The following HS3ST1 variants were observed in gnomAD, a reference collection of about 807,000 sequenced individuals.
HS3ST1 encodes heparan sulfate-glucosamine 3-sulfotransferase 1.
Under a neutral mutation model 20.7 loss-of-function variants are expected in HS3ST1, and 8 were observed. The ratio of observed to expected loss-of-function variants is 0.39; its 90% CI spans 0.23 to 0.70. The LOEUF is 0.70. Among genes scored for constraint, HS3ST1 ranks in the 30% least tolerant of loss-of-function variants. The pLI is 0.46. For missense variants in HS3ST1, 436 were observed against 423.4 expected (o/e 1.03, Z -0.26); for synonymous variants, 205 against 190.4 (o/e 1.08, Z -0.63).
intron 1 of HS3ST1, among the ~76,000 whole-genome samples, chr4:11,404,969 G>A (rs932004474): frequency 1.3e-5 from 2 of 152,304 alleles, no homozygotes; most frequent in African/African-American, 4.8e-5. Flanking sequence ...TAGAGGAGGT[G>A]AAAGGATTCA....
intron 1 of HS3ST1, among the ~76,000 whole-genome samples, chr4:11,420,827 A>G (rs1202093220): frequency 6.6e-6 from 1 of 152,082 alleles, no homozygotes; most frequent in African/African-American, 2.4e-5. Flanking sequence ...TTCATCTTGG[A>G]CCCTACTCCC....
In HS3ST1 at chr4:11,399,243, A is replaced by T. The variant is rs879604349; in HGVS notation, c.763T>A (p.Tyr255Asn). 6.2e-7 allele frequency: 1 copy of T among 1,614,152 alleles called. No individual in the cohort carries two copies. Among genetic ancestry groups the T allele is most frequent in the Non-Finnish European group, 8.5e-7 (1 of 1,180,024 alleles). The change falls in exon 2 of 2, where the codon TAC becomes AAC. Residue 255 changes from tyrosine (Y) to asparagine (N), a missense_variant. Physicochemically the swap from Tyr to Asn is moderately radical, Grantham distance 143. Coordinates refer to ENST00000002596, the MANE Select transcript of HS3ST1 (RefSeq NM_005114.4). This position sits in a 1 kb window ranked among gnomAD's most constrained non-coding sequence, Gnocchi z 5.1. ...NFYFNKTKGF[Y>N]CLRDSGRDRC... ...TCCCGGCCGCTGTCCCGCAGGCAGT[A>T]AAAGCCCTTGGTTTTGTTAAAGTAG...
upstream of HS3ST1, among the ~76,000 whole-genome samples, chr4:11,433,580 T>C (rs1719243874): frequency 6.6e-6 from 1 of 152,170 alleles, no homozygotes; most frequent in Non-Finnish European, 1.5e-5. Context: ...ATTTTAGATT[T>C]TGGGACCAAA....
rs1320327818 is a variant in HS3ST1, at chr4:11,394,140, C to T, written c.*4942G>A. 6.6e-6 allele frequency: 1 copy of T among 152,126 alleles called. No homozygotes were observed. Among genetic ancestry groups the T allele is most frequent in the African/African-American group, 2.4e-5 (1 of 41,426 alleles). The allele number at this position is 152,126 out of a possible 1,614,324, so 9.4% of individuals were successfully genotyped here. ...GGTTTATAGTTTTTACCTACTTTAT[C>T]TCATTGAGTTGGAGTTTTCCCCCAA... On this transcript the variant is annotated 3_prime_UTR_variant, in exon 2 of 2. Transcript: ENST00000002596.
chr4:11,421,555 T>C (rs1718935529), intron 1 of HS3ST1, among the ~76,000 whole-genome samples: 1 of 152,236 alleles, frequency 6.6e-6, no homozygotes, highest in Non-Finnish European at 1.5e-5. Context: ...TTTTAACTGC[T>C]GACACAGAAC....
intron 1 of HS3ST1, among the ~76,000 whole-genome samples, chr4:11,411,021 A>G (rs1377869588): frequency 6.6e-6 from 1 of 152,212 alleles, no homozygotes; most frequent in African/African-American, 2.4e-5. Context: ...CTGACTTGAG[A>G]AAAGTTAATG....
chr4:11,433,110 A>G (rs890724626), upstream of HS3ST1, among the ~76,000 whole-genome samples: 2 of 152,204 alleles, frequency 1.3e-5, no homozygotes, highest in Admixed American at 1.3e-4. Context: ...TTATGATTAC[A>G]TTAGTATAAA....
rs1718994591 is a variant in HS3ST1, at chr4:11,423,840, G to T, written c.-109+4859C>A. On this transcript the variant is annotated intron_variant, in intron 1 of 1. Coordinates refer to ENST00000002596, the MANE Select transcript of HS3ST1 (RefSeq NM_005114.4). ...GATATTCTGAACAACATGCCCTCCT[G>T]AATTTCATATTCCAAATTTCCCTCA... Among the ~76,000 whole-genome samples, 3 of 152,058 alleles carry T rather than the reference G, an allele frequency of 2.0e-5. No homozygotes were observed. In the South Asian group the frequency reaches 6.2e-4, roughly 32 times the overall value.
chr4:11,409,160 C>A (rs1486175401), intron 1 of HS3ST1, among the ~76,000 whole-genome samples: 1 of 152,136 alleles, frequency 6.6e-6, no homozygotes, highest in Non-Finnish European at 1.5e-5. Context: ...TCTTACTAAC[C>A]CCCAGACACA....
upstream of HS3ST1, among the ~76,000 whole-genome samples, chr4:11,433,419 T>C (rs1719241386): frequency 6.6e-6 from 1 of 152,206 alleles, no homozygotes; most frequent in Admixed American, 6.5e-5. Flanking sequence ...TTATTTGTTA[T>C]CCTGTGTTAA....
At chr4:11,423,108 G>A (rs561992684) in intron 1 of HS3ST1, among the ~76,000 whole-genome samples, 3 of 147,146 alleles carry the variant, frequency 2.0e-5, no homozygotes, top group African/African-American at 7.6e-5. Flanking sequence ...CCTTACCACA[G>A]TCCTCAATCA....
At chr4:11,426,370 C>G (rs1378018447) in intron 1 of HS3ST1, among the ~76,000 whole-genome samples, 2 of 151,418 alleles carry the variant, frequency 1.3e-5, no homozygotes, top group South Asian at 2.1e-4. Context: ...GAGGCCCCCC[C>G]CCCAACCCTC....
At chr4:11,432,245 G>C (rs1021799221), upstream of HS3ST1, among the ~76,000 whole-genome samples, 2 of 152,054 alleles carry the variant, frequency 1.3e-5, no homozygotes, top group African/African-American at 2.4e-5. Flanking sequence ...GACTCAATGG[G>C]GTTTTATTTG....
intron 1 of HS3ST1, among the ~76,000 whole-genome samples, chr4:11,411,835 C>T (rs948663618): frequency 3.9e-5 from 6 of 152,158 alleles, no homozygotes; most frequent in Non-Finnish European, 8.8e-5. Context: ...AGCTCGGAGT[C>T]GGGAGGCTGG....
intron 1 of HS3ST1, among the ~76,000 whole-genome samples, chr4:11,405,705 C>T (rs1420094269): frequency 1.3e-5 from 2 of 151,940 alleles, no homozygotes; most frequent in Non-Finnish European, 2.9e-5. Flanking sequence ...GAAAGGGGGA[C>T]TCAGCATTTC....
upstream of HS3ST1, among the ~76,000 whole-genome samples, chr4:11,433,916 A>G (rs1439331108): frequency 1.3e-5 from 2 of 152,190 alleles, no homozygotes; most frequent in Non-Finnish European, 2.9e-5. Flanking sequence ...GAGCATTTGA[A>G]CTGTGACTCT....
At chr4:11,402,080 C>T (rs1406076) in intron 1 of HS3ST1, among the ~76,000 whole-genome samples, 35,983 of 152,120 alleles carry the variant, frequency 0.24, 5,208 homozygotes, top group Middle Eastern at 0.39. Context: ...ATCTTTTGTA[C>T]GGTAGTTTCA....
chr4:11,422,298 G>A (rs148952711), intron 1 of HS3ST1, among the ~76,000 whole-genome samples: 21 of 152,284 alleles, frequency 1.4e-4, no homozygotes, highest in African/African-American at 4.8e-4. Flanking sequence ...AATGCCGCCT[G>A]TTTCTTCTTT....
At chr4:11,409,323 T>C (rs1339146703) in intron 1 of HS3ST1, among the ~76,000 whole-genome samples, 6 of 152,214 alleles carry the variant, frequency 3.9e-5, no homozygotes, top group Admixed American at 3.9e-4. Context: ...CAGGTTGTTA[T>C]GGACTGAATG....
Sources: allele counts gnomAD v4.1 joint callset (sites outside exome capture counted in the v4.1 genomes callset), GRCh38; gene constraint gnomAD v4.1.1; non-coding constraint Gnocchi (gnomAD v3.1); transcripts MANE v1.5; gene names NCBI Gene and HGNC (gene_info 2026-07-23, HGNC 2026-07-21).